The following PGCKA1 variants were observed in gnomAD, a reference collection of about 807,000 sequenced individuals.
The protein encoded by PGCKA1 is PDCD10 and GCKIII kinases-associated protein 1.
At chr4:37,466,948 A>C in the PGCKA1 span, among the ~76,000 whole-genome samples, 13 of 152,132 alleles carry the variant, frequency 8.5e-5, no homozygotes. Context: ...AAATACAAAA[A>C]TTAGCTGGGC....
chr4:37,556,860 T>TA, the PGCKA1 span, among the ~76,000 whole-genome samples: 7 of 152,304 alleles, frequency 4.6e-5, 1 homozygote, highest in African/African-American at 1.2e-4. Context: ...AATACTATGA[T>TA]AAAAAATAAG....
chr4:37,458,592 C>T, the PGCKA1 span, among the ~76,000 whole-genome samples: 2 of 152,134 alleles, frequency 1.3e-5, no homozygotes, highest in African/African-American at 4.8e-5. Context: ...TCACGTCTTT[C>T]ATGATTTAGC....
chr4:37,575,409 C>A, the PGCKA1 span, among the ~76,000 whole-genome samples: 1 of 152,022 alleles, frequency 6.6e-6, no homozygotes, highest in East Asian at 1.9e-4. Context: ...TGAGAAATAT[C>A]TATTCAGATA....
At chr4:37,478,142 A>AACC in the PGCKA1 span, among the ~76,000 whole-genome samples, 1 of 59,558 alleles carries the variant, frequency 1.7e-5, no homozygotes, top group African/African-American at 5.4e-5. Flanking sequence ...TTTTAAAAAC[A>AACC]CCCCCCCCCA....
At chr4:37,469,158 G>T in the PGCKA1 span, among the ~76,000 whole-genome samples, 5 of 152,304 alleles carry the variant, frequency 3.3e-5, no homozygotes, top group Non-Finnish European at 7.3e-5. Flanking sequence ...TAGCCTAGCT[G>T]TGTAGTAGGC....
At chr4:37,478,711 G>C in the PGCKA1 span, among the ~76,000 whole-genome samples, 1 of 152,170 alleles carries the variant, frequency 6.6e-6, no homozygotes, top group South Asian at 2.1e-4. Context: ...TGTCCATAGG[G>C]AATCCATTTC....
the PGCKA1 span, among the ~76,000 whole-genome samples, chr4:37,525,630 A>G: frequency 6.6e-6 from 1 of 152,178 alleles, no homozygotes; most frequent in Non-Finnish European, 1.5e-5. Flanking sequence ...CAGCTTAACT[A>G]TATTCCCCAA....
the PGCKA1 span, among the ~76,000 whole-genome samples, chr4:37,576,877 A>T: frequency 6.6e-6 from 1 of 152,174 alleles, no homozygotes; most frequent in Non-Finnish European, 1.5e-5. Context: ...GATATATCAC[A>T]TTGATTTGCA....
At chr4:37,526,057 T>C in the PGCKA1 span, among the ~76,000 whole-genome samples, 1 of 152,212 alleles carries the variant, frequency 6.6e-6, no homozygotes, top group Non-Finnish European at 1.5e-5. Context: ...TATGATGTAG[T>C]AAATTATACA....
the PGCKA1 span, among the ~76,000 whole-genome samples, chr4:37,509,259 C>T: frequency 1.3e-5 from 1 of 74,478 alleles, no homozygotes; most frequent in Admixed American, 1.3e-4. Flanking sequence ...GGTGGCCAGG[C>T]AGAGGCGCCC....
chr4:37,524,315 GT>G, the PGCKA1 span, among the ~76,000 whole-genome samples: 1 of 152,226 alleles, frequency 6.6e-6, no homozygotes, highest in East Asian at 1.9e-4. Context: ...TTGGGCCTTA[GT>G]GGCTTGGGGA....
chr4:37,574,134 G>A, the PGCKA1 span, among the ~76,000 whole-genome samples: 120 of 151,746 alleles, frequency 7.9e-4, 1 homozygote, highest in African/African-American at 2.8e-3. Context: ...GTAGCAGTGA[G>A]CCAAGATCAT....
chr4:37,537,309 G>A, the PGCKA1 span, among the ~76,000 whole-genome samples: 314 of 152,298 alleles, frequency 2.1e-3, 2 homozygotes, highest in African/African-American at 7.3e-3. Context: ...TAGAACATCA[G>A]CAAGGTGTCT....
the PGCKA1 span, among the ~76,000 whole-genome samples, chr4:37,581,224 C>T: frequency 6.6e-6 from 1 of 152,196 alleles, no homozygotes; most frequent in African/African-American, 2.4e-5. This position sits in a 1 kb window ranked among gnomAD's most constrained non-coding sequence, Gnocchi z 4.4. Context: ...TCGCTTGGTG[C>T]TCTACCCCAC....
chr4:37,466,930 T>C, the PGCKA1 span, among the ~76,000 whole-genome samples: 1 of 152,248 alleles, frequency 6.6e-6, no homozygotes, highest in Middle Eastern at 3.4e-3. Context: ...AAACCCCATC[T>C]CTACTAAAAA....
At chr4:37,474,670 A>C in the PGCKA1 span, among the ~76,000 whole-genome samples, 1 of 152,204 alleles carries the variant, frequency 6.6e-6, no homozygotes, top group Non-Finnish European at 1.5e-5. Context: ...TAGGTACTTT[A>C]GGTGATTTGT....
the PGCKA1 span, among the ~76,000 whole-genome samples, chr4:37,467,458 T>G: frequency 6.6e-6 from 1 of 152,214 alleles, no homozygotes; most frequent in East Asian, 1.9e-4. Context: ...TCATAGAATC[T>G]TCTGATCCTC....
the PGCKA1 span, among the ~76,000 whole-genome samples, chr4:37,538,218 T>C: frequency 2.0e-5 from 3 of 152,330 alleles, no homozygotes; most frequent in South Asian, 6.2e-4. Flanking sequence ...GTGTGAACTG[T>C]TAGCACCACA....
chr4:37,532,178 AGAAT>A, the PGCKA1 span, among the ~76,000 whole-genome samples: 9 of 152,324 alleles, frequency 5.9e-5, no homozygotes, highest in East Asian at 1.7e-3. Flanking sequence ...TCTACAATTA[AGAAT>A]GAAGAAATTA....
Sources: allele counts gnomAD v4.1 joint callset (sites outside exome capture counted in the v4.1 genomes callset), GRCh38; gene constraint gnomAD v4.1.1; non-coding constraint Gnocchi (gnomAD v3.1); transcripts MANE v1.5; gene names NCBI Gene and HGNC (gene_info 2026-07-23, HGNC 2026-07-21).